Variants in IRF2BPL observed in about 807,000 individuals in gnomAD.
IRF2BPL encodes the protein probable E3 ubiquitin-protein ligase IRF2BPL.
In IRF2BPL, 13 loss-of-function variants were observed where a neutral mutation model predicts 51.2. The observed-to-expected ratio is 0.25, with a 90% CI of 0.17 to 0.40. The LOEUF (loss-of-function observed/expected upper bound fraction) is 0.40, where lower values mean the gene tolerates loss of function less well. Among genes scored for constraint, IRF2BPL ranks in the 10% least tolerant of loss-of-function variants. The pLI is 1.00. For synonymous variants in IRF2BPL, 768 were observed against 509.2 expected, an observed-to-expected ratio of 1.51 and a Z score of -6.84; for missense variants, 1,210 against 1,111.8, an observed-to-expected ratio of 1.09 and a Z score of -1.26.
rs1045489697 is a variant in IRF2BPL at position 77,025,870 on chromosome 14, C to A, written c.1923G>T (p.Lys641Asn). Residue 641 changes from lysine (K) to asparagine (N), a missense_variant, in exon 1 of 1, where the codon AAG becomes AAT. Physicochemically the swap from Lys to Asn is moderately conservative, Grantham distance 94 (BLOSUM62 0). Coordinates refer to ENST00000238647, the MANE Select transcript of IRF2BPL (RefSeq NM_024496.4). ...ADTLGTAHSP[K>N]DGSSVHSTTA... ...TGGTAGAGTGCACGGAACTGCCATC[C>A]TTGGGCGAGTGCGCTGTGCCCAGAG... is the stretch of plus-strand genomic sequence containing the variant. 1.2e-6 allele frequency: 2 copies of A among 1,612,600 alleles called. No individual in the cohort carries two copies. The highest frequency in any genetic ancestry group is 1.7e-6 in the Non-Finnish European group (2 of 1,179,798).
chr14:77,026,364 G>A lies in IRF2BPL; in HGVS notation c.1429C>T (p.Leu477=), dbSNP rs1041771924. The A allele has an allele frequency of 8.7e-6, 14 of 1,611,364 alleles. No individual in the cohort carries two copies. In the African/African-American group the frequency reaches 1.3e-4, roughly 15 times the overall value. Residue 477 remains leucine (L), a synonymous_variant, in exon 1 of 1, where the codon CTG becomes TTG. Transcript: ENST00000238647. ...AAGAAGCGCACGGCTTCGGGGAGCAGGTCTCCAAGCAGGCGCCAGTCCCCG... is the reference window on the plus strand; with the variant it reads ...AAGAAGCGCACGGCTTCGGGGAGCAAGTCTCCAAGCAGGCGCCAGTCCCCG... ...GSGDWRLLGD[L]LPEAVRFFKE...
rs916600131 is a variant in IRF2BPL at position 77,026,961 on chromosome 14, C to G, written c.832G>C (p.Ala278Pro). ...GTCGGGGGCCCACGGCTGCCCAGGG[C>G]GTGGGGAGGGGGTGGGGGGAGTACC... Reference protein sequence around the residue: ...AAVLPPPPPHALGSRGPPTPA... With the variant: ...AAVLPPPPPHPLGSRGPPTPA... The change falls in exon 1 of 1, where the codon GCC (alanine) becomes CCC (proline). Residue 278 changes from alanine to proline, a missense_variant. Transcript: ENST00000238647. The G allele has an allele frequency of 1.4e-6, 2 of 1,464,280 alleles. No homozygotes were observed. The highest frequency in any genetic ancestry group is 5.2e-5 in the Admixed American group (2 of 38,668). The allele number at this position is 1,464,280 out of a possible 1,614,324, so 90.7% of individuals were successfully genotyped here.
Position 77,027,676 on chromosome 14 carries a change from G to A in IRF2BPL, c.117C>T (p.Val39=). The A allele has an allele frequency of 1.2e-6, 2 of 1,612,062 alleles. No individual in the cohort carries two copies. The highest frequency in any genetic ancestry group is 1.7e-6 in the Non-Finnish European group (2 of 1,179,538). ...DFSEPVCRGC[V]NYEGADRIEF... Reference sequence around the variant, plus strand: ...CGATGCGATCAGCGCCCTCGTAGTTGACGCAACCGCGGCATACGGGTTCCG... The same window carrying A: ...CGATGCGATCAGCGCCCTCGTAGTTAACGCAACCGCGGCATACGGGTTCCG... Residue 39 remains valine, a synonymous_variant, in exon 1 of 1, where the codon GTC becomes GTT. Coordinates refer to ENST00000238647, the MANE Select transcript of IRF2BPL (RefSeq NM_024496.4).
chr14:77,026,235 C>A lies in IRF2BPL; in HGVS notation c.1558G>T (p.Ala520Ser). Reference protein sequence around the residue: ...ALVSLSRAPSAPPGTGALPPA... With the variant: ...ALVSLSRAPSSPPGTGALPPA... ...GGCAAGGCCCCGGTCCCCGGGGGTG[C>A]GCTGGGGGCGCGGCTCAGACTCACC... Residue 520 changes from alanine to serine, a missense_variant, in exon 1 of 1, where the codon GCA becomes TCA. By Grantham distance (99) the Ala-to-Ser change is moderately conservative (BLOSUM62 1). Coordinates refer to ENST00000238647, the MANE Select transcript of IRF2BPL (RefSeq NM_024496.4). The A allele has an allele frequency of 1.4e-6, 2 of 1,427,606 alleles. No individual in the cohort carries two copies. Among genetic ancestry groups the A allele is most frequent in the Non-Finnish European group, 1.8e-6 (2 of 1,096,318 alleles). 88.4% of individuals were successfully genotyped at this position (1,427,606 alleles called of 1,614,324 possible).
chr14:77,025,435 C>A lies in IRF2BPL; in HGVS notation c.2358G>T (p.Gly786=). 1 of 1,580,342 alleles carries A rather than the reference C, an allele frequency of 6.3e-7. No homozygotes were observed. The highest frequency in any genetic ancestry group is 1.2e-5 in the South Asian group (1 of 86,550). ...CTCTCTCCTTTTTCACTTTAACATC[C>A]CCAGCTAAGATAGTCGCGATTTCGC... ...MQGEIATILA[G]DVKVKKERDP The change falls in exon 1 of 1, where the codon GGG becomes GGT. Residue 786 remains glycine (G), a synonymous_variant. Coordinates refer to ENST00000238647, the MANE Select transcript of IRF2BPL (RefSeq NM_024496.4).
At position 77,025,844 on chromosome 14, in the gene IRF2BPL, G is replaced by A. The variant is rs1016031595; in HGVS notation, c.1949C>T (p.Thr650Ile). ...GCTGCTGTTTCGCCGCGCCGACGCA[G>A]TGGTAGAGTGCACGGAACTGCCATC... ...PKDGSSVHST[T>I]ASARRNSSSP... Residue 650 changes from threonine to isoleucine, a missense_variant, in exon 1 of 1, where the codon ACT (threonine) becomes ATT (isoleucine). Physicochemically the swap from Thr to Ile is moderately conservative, Grantham distance 89. Transcript: ENST00000238647. 3.7e-6 allele frequency: 6 copies of A among 1,612,716 alleles called. No homozygotes were observed. Among genetic ancestry groups the A allele is most frequent in the African/African-American group, 1.3e-5 (1 of 75,042 alleles).
Position 77,026,524 on chromosome 14 carries a change from G to A in IRF2BPL, c.1269C>T (p.Tyr423=), listed in dbSNP as rs181458461. Residue 423 remains tyrosine (Y), a synonymous_variant, in exon 1 of 1, where the codon TAC becomes TAT. Coordinates refer to ENST00000238647, the MANE Select transcript of IRF2BPL (RefSeq NM_024496.4). ...MDYELKLFIE[Y]PTGSGNVYSS... ...AGTACACGTTGCCCGAGCCCGTGGG[G>A]TACTCAATGAACAGCTTCAATTCGT... The A allele has an allele frequency of 5.6e-6, 9 of 1,613,716 alleles. No individual in the cohort carries two copies. Among genetic ancestry groups the A allele is most frequent in the African/African-American group, 4.0e-5 (3 of 75,066 alleles).
rs993390337 is a variant in IRF2BPL at position 77,028,003 on chromosome 14, C to G, written c.-211G>C. 1.7e-5 allele frequency: 9 copies of G among 543,376 alleles called. No individual in the cohort carries two copies. The African/African-American group carries it at 1.8e-4, about 11-fold the overall frequency. 33.7% of individuals were successfully genotyped at this position (543,376 alleles called of 1,614,324 possible). A position where few individuals can be genotyped will look rare whatever the true frequency, so the allele number is the denominator to read the frequency against. On this transcript the variant is annotated 5_prime_UTR_variant, in exon 1 of 1. Transcript: ENST00000238647. ...GGGGCTCCACCGCCCGGGCAGCGGACGGGTTCAGCCCTCTCTTCGCCCCCA... is the reference window on the plus strand; with the variant it reads ...GGGGCTCCACCGCCCGGGCAGCGGAGGGGTTCAGCCCTCTCTTCGCCCCCA...
In IRF2BPL at chr14:77,026,325, G is replaced by A. The variant is rs774112185; in HGVS notation, c.1468C>T (p.Pro490Ser). ...GGCTGGGGCAGCATGTCGGCGCCGG[G>A]CACGCCCTCCTTGAAGAAGCGCACG... ...EAVRFFKEGV[P>S]GADMLPQPYL... The change falls in exon 1 of 1, where the codon CCC becomes TCC. Residue 490 changes from proline to serine, a missense_variant. Pro to Ser is a moderately conservative substitution (Grantham distance 74). Transcript: ENST00000238647. The A allele has an allele frequency of 6.3e-7, 1 of 1,578,268 alleles. No homozygotes were observed. The highest frequency in any genetic ancestry group is 1.8e-5 in the Admixed American group (1 of 55,092).
chr14:77,027,062 C>T lies in IRF2BPL; in HGVS notation c.731G>A (p.Gly244Asp), dbSNP rs559355028. ...GLVTGLPNPGGGGGPQLTVPP... is the reference protein window; with the variant it reads ...GLVTGLPNPGDGGGPQLTVPP... Reference sequence around the variant, plus strand: ...CACGGTGAGCTGGGGGCCTCCGCCACCCCCCGGGTTGGGCAGCCCCGTAAC... The same window carrying T: ...CACGGTGAGCTGGGGGCCTCCGCCATCCCCCGGGTTGGGCAGCCCCGTAAC... Residue 244 changes from glycine to aspartate, a missense_variant, in exon 1 of 1, where the codon GGT becomes GAT. Gly to Asp is a moderately conservative substitution (Grantham distance 94). Transcript: ENST00000238647. 3.2e-6 allele frequency: 5 copies of T among 1,584,218 alleles called. No homozygotes were observed. The highest frequency in any genetic ancestry group is 2.3e-5 in the East Asian group (1 of 43,682).
At position 77,025,635 on chromosome 14, in the gene IRF2BPL, C is replaced by A. The variant is rs1380086134; in HGVS notation, c.2158G>T (p.Glu720Ter). 2.5e-6 allele frequency: 4 copies of A among 1,575,436 alleles called. No homozygotes were observed. The highest frequency in any genetic ancestry group is 1.8e-5 in the Admixed American group (1 of 55,974). Residue 720 changes from glutamate (E) to a stop codon, truncating the protein, a stop_gained, in exon 1 of 1, where the codon GAA becomes TAA. Transcript: ENST00000238647. LOFTEE classifies it high-confidence loss of function. ...SGPLCCTICH[E>*]RLEDTHFVQC... ...ACGAAATGCGTATCCTCCAAACGTT[C>A]GTGGCAAATGGTGCAGCAGAGGGGT...
Position 77,026,305 on chromosome 14 carries a change from G to T in IRF2BPL, c.1488C>A (p.Pro496=). 1.3e-6 allele frequency: 2 copies of T among 1,547,694 alleles called. No homozygotes were observed. The highest frequency in any genetic ancestry group is 2.3e-5 in the East Asian group (1 of 42,618). ...GACAGCTGGCGTCCAGGTAGGGCTG[G>T]GGCAGCATGTCGGCGCCGGGCACGC... ...KEGVPGADML[P]QPYLDASCPM... is the part of the protein sequence containing the mutation. Residue 496 remains proline (P), a synonymous_variant, in exon 1 of 1, where the codon CCC becomes CCA. Transcript: ENST00000238647.
rs748198764 is a variant in IRF2BPL at position 77,027,807 on chromosome 14, G to A, written c.-15C>T. Reference sequence around the variant, plus strand: ...GCCGCCGACATGATGCCTGCCCTGGGGAAGGTAGGCCCCCGCCCGGGCTGT... The same window carrying A: ...GCCGCCGACATGATGCCTGCCCTGGAGAAGGTAGGCCCCCGCCCGGGCTGT... On this transcript the variant is annotated 5_prime_UTR_variant, in exon 1 of 1. Coordinates refer to ENST00000238647, the MANE Select transcript of IRF2BPL (RefSeq NM_024496.4). 24 of 1,529,294 alleles carry A rather than the reference G, an allele frequency of 1.6e-5. No homozygotes were observed. The highest frequency in any genetic ancestry group is 2.0e-5 in the Non-Finnish European group (23 of 1,133,442). The allele number at this position is 1,529,294 out of a possible 1,614,324, so 94.7% of individuals were successfully genotyped here.
Position 77,026,405 on chromosome 14 carries a change from T to C in IRF2BPL, c.1388A>G (p.Glu463Gly), listed in dbSNP as rs1885123827. 6.2e-7 allele frequency: 1 copy of C among 1,613,198 alleles called. No homozygotes were observed. Among genetic ancestry groups the C allele is most frequent in the Admixed American group, 1.7e-5 (1 of 60,006 alleles). The change falls in exon 1 of 1, where the codon GAA becomes GGA. Residue 463 changes from glutamate (E) to glycine (G), a missense_variant. Coordinates refer to ENST00000238647, the MANE Select transcript of IRF2BPL (RefSeq NM_024496.4). ...CCAGTCCCCGGAGCCGTGCTTCTTT[T>C]CGTACTCCAGGTACTTGAAACCCGA... ...LSSGFKYLEY[E>G]KKHGSGDWRL... is the part of the protein sequence containing the mutation.
chr14:77,028,395 C>T lies in IRF2BPL; in HGVS notation c.-603G>A, dbSNP rs913718645. 2 of 260,160 alleles carry T rather than the reference C, an allele frequency of 7.7e-6. No homozygotes were observed. The highest frequency in any genetic ancestry group is 1.5e-5 in the Non-Finnish European group (2 of 131,634). 16.1% of individuals were successfully genotyped at this position (260,160 alleles called of 1,614,324 possible). On this transcript the variant is annotated 5_prime_UTR_variant, in exon 1 of 1. Coordinates refer to ENST00000238647, the MANE Select transcript of IRF2BPL (RefSeq NM_024496.4). Reference sequence around the variant, plus strand: ...GACCTTCTCCCCTCCGCAGCGTCGGCCGTTCTGCTGGCGGCGACTGGGTTT... The same window carrying T: ...GACCTTCTCCCCTCCGCAGCGTCGGTCGTTCTGCTGGCGGCGACTGGGTTT...
In IRF2BPL at chr14:77,026,149, C is replaced by G; in HGVS notation, c.1644G>C (p.Pro548=). 1 of 1,526,716 alleles carries G rather than the reference C, an allele frequency of 6.6e-7. No homozygotes were observed. The highest frequency in any genetic ancestry group is 1.2e-5 in the South Asian group (1 of 81,668). 94.6% of individuals were successfully genotyped at this position (1,526,716 alleles called of 1,614,324 possible). A position where few individuals can be genotyped will look rare whatever the true frequency, so the allele number is the denominator to read the frequency against. ...AASLRKRKAS[P]EPPDSAEGAL... is the part of the protein sequence containing the mutation. ...CGCCCTCGGCTGAGTCCGGGGGCTC[C>G]GGAGAGGCCTTTCTCTTGCGCAGGC... Residue 548 remains proline, a synonymous_variant, in exon 1 of 1, where the codon CCG becomes CCC. Coordinates refer to ENST00000238647, the MANE Select transcript of IRF2BPL (RefSeq NM_024496.4).
Position 77,026,629 on chromosome 14 carries a change from G to C in IRF2BPL, c.1164C>G (p.Tyr388Ter). Reference protein sequence around the residue: ...TLLTLAGCTPYEVRFKKDHSL... With the variant: ...TLLTLAGCTP Reference sequence around the variant, plus strand: ...AGTGGTCCTTCTTGAAGCGAACCTCGTAGGGCGTGCAGCCTGCCAGCGTGA... The same window carrying C: ...AGTGGTCCTTCTTGAAGCGAACCTCCTAGGGCGTGCAGCCTGCCAGCGTGA... Residue 388 changes from tyrosine (Y) to a stop codon, truncating the protein, a stop_gained, in exon 1 of 1, where the codon TAC becomes TAG. Transcript: ENST00000238647. LOFTEE classifies it high-confidence loss of function. The C allele has an allele frequency of 6.2e-7, 1 of 1,613,780 alleles. No homozygotes were observed. The highest frequency in any genetic ancestry group is 1.7e-5 in the Admixed American group (1 of 60,030).
rs1278524307 is a variant in IRF2BPL at position 77,025,914 on chromosome 14, G to C, written c.1879C>G (p.Leu627Val). The part of the protein sequence containing the change: ...PQNGPSPMAA[L>V]MSVADTLGTA... Reference sequence around the variant, plus strand: ...CCCAGAGTATCTGCCACCGACATGAGAGCGGCCATAGGGGACGGACCGTTC... The same window carrying C: ...CCCAGAGTATCTGCCACCGACATGACAGCGGCCATAGGGGACGGACCGTTC... Residue 627 changes from leucine to valine, a missense_variant, in exon 1 of 1, where the codon CTC (leucine) becomes GTC (valine). Leu to Val is a conservative substitution (Grantham distance 32, BLOSUM62 1). Transcript: ENST00000238647. The C allele has an allele frequency of 3.7e-6, 6 of 1,611,566 alleles. No homozygotes were observed. Among genetic ancestry groups the C allele is most frequent in the Non-Finnish European group, 5.1e-6 (6 of 1,179,384 alleles).
In IRF2BPL at chr14:77,025,677, G is replaced by A. The variant is rs781495809; in HGVS notation, c.2116C>T (p.Pro706Ser). 17 of 1,562,328 alleles carry A rather than the reference G, an allele frequency of 1.1e-5. No individual in the cohort carries two copies. The highest frequency in any genetic ancestry group is 1.4e-5 in the Non-Finnish European group (16 of 1,151,988). ...QVHPQNIPDS[P>S]MANSGPLCCT... The stretch of plus-strand genomic sequence containing the variant: ...CAGAGGGGTCCGCTGTTGGCCATGG[G>A]GGAATCCGGAATGTTTTGGGGGTGC... Residue 706 changes from proline to serine, a missense_variant, in exon 1 of 1, where the codon CCC becomes TCC. Physicochemically the swap from Pro to Ser is moderately conservative, Grantham distance 74. Coordinates refer to ENST00000238647, the MANE Select transcript of IRF2BPL (RefSeq NM_024496.4).
Sources: allele counts gnomAD v4.1 joint callset, GRCh38; gene constraint gnomAD v4.1.1; transcripts MANE v1.5; gene names NCBI Gene and HGNC (gene_info 2026-07-23, HGNC 2026-07-21).